Variants in KHDRBS2 observed in about 807,000 individuals in gnomAD.
KHDRBS2 encodes KH RNA binding domain containing, signal transduction associated 2.
Under a neutral mutation model 44.3 loss-of-function variants are expected in KHDRBS2, and 26 were observed. The ratio of observed to expected loss-of-function variants is 0.59; its 90% confidence interval spans 0.43 to 0.81. The LOEUF (loss-of-function observed/expected upper bound fraction) is 0.81. Ranked by LOEUF, KHDRBS2 falls within the 40% of genes least tolerant of loss-of-function variation. The probability of loss-of-function intolerance (pLI) is 0.00; values close to 1 mark genes in which losing one functional copy is unlikely to be tolerated. For missense variants in KHDRBS2, 476 were observed against 433.1 expected, an observed-to-expected ratio of 1.10 and a Z score of -0.88; for synonymous variants, 194 against 151.1, an observed-to-expected ratio of 1.28 and a Z score of -2.08.
Position 61,957,376 on chromosome 6 carries a change from G to C in KHDRBS2, c.483+20690C>G, listed in dbSNP as rs1767614220. The stretch of plus-strand genomic sequence containing the variant: ...AAACTCTTGACTGCCGGTGAGCCAG[G>C]TGGAACAGAGCCATATTTCTCTTCT... On this transcript the variant is annotated intron_variant, in intron 4 of 8. Coordinates refer to ENST00000281156, the MANE Select transcript of KHDRBS2 (RefSeq NM_152688.4). Among the ~76,000 whole-genome samples, 3 of 152,188 alleles carry C rather than the reference G, an allele frequency of 2.0e-5. No individual in the cohort carries two copies. In the South Asian group the frequency reaches 6.2e-4, roughly 31 times the overall value.
At chr6:61,892,470 C>A (rs1013105652) in intron 6 of KHDRBS2, among the ~76,000 whole-genome samples, 5 of 152,172 alleles carry the variant, frequency 3.3e-5, no homozygotes, top group Non-Finnish European at 7.4e-5. Context: ...AAGAACAAAG[C>A]TGGATGCATC....
chr6:62,120,086 T>C (rs1037751217), intron 2 of KHDRBS2, among the ~76,000 whole-genome samples: 2 of 152,142 alleles, frequency 1.3e-5, no homozygotes, highest in South Asian at 4.1e-4. Flanking sequence ...AATTTATTGA[T>C]TTGGGCCCAG....
chr6:61,673,753 C>T, the KHDRBS2 span, among the ~76,000 whole-genome samples: 1 of 140,374 alleles, frequency 7.1e-6, no homozygotes, highest in Non-Finnish European at 1.5e-5. Context: ...AACTACAAAC[C>T]ACTGCTCAAG....
intron 6 of KHDRBS2, among the ~76,000 whole-genome samples, chr6:61,776,777 C>G (rs1209529077): frequency 1.3e-5 from 2 of 152,166 alleles, no homozygotes; most frequent in East Asian, 1.9e-4. Context: ...ACCCAGTCAT[C>G]CCATTATTGG....
chr6:61,675,142 T>C (rs1211049012), downstream of KHDRBS2, among the ~76,000 whole-genome samples: 4 of 151,786 alleles, frequency 2.6e-5, no homozygotes, highest in Non-Finnish European at 5.9e-5. Context: ...TTATTTCTTC[T>C]AACTATATAT....
intron 6 of KHDRBS2, among the ~76,000 whole-genome samples, chr6:61,824,042 T>C (rs1048217772): frequency 3.9e-5 from 6 of 152,136 alleles, no homozygotes; most frequent in African/African-American, 1.4e-4. Flanking sequence ...TTTTTAATTT[T>C]AATAATACAA....
intron 3 of KHDRBS2, among the ~76,000 whole-genome samples, chr6:62,020,152 C>T (rs909253248): frequency 6.6e-6 from 1 of 151,716 alleles, no homozygotes; most frequent in Admixed American, 6.6e-5. Context: ...TGCCTATAGT[C>T]CTTTTCTTCT....
Position 61,966,280 on chromosome 6 carries a change from G to A in KHDRBS2, c.483+11786C>T, listed in dbSNP as rs540548132. The stretch of plus-strand genomic sequence containing the variant: ...GTACTTTTCTATTACAACTATCTTC[G>A]GGTAGTTTGAGGCAAAATGATCTGT... On this transcript the variant is annotated intron_variant, in intron 4 of 8. Transcript: ENST00000281156. 5.3e-5 allele frequency among the ~76,000 whole-genome samples: 8 copies of A among 152,052 alleles called. 1 individual carries two copies. Among genetic ancestry groups the A allele is most frequent in the South Asian group, 2.1e-4 (1 of 4,824 alleles).
chr6:61,899,655 C>T (rs757068903), intron 5 of KHDRBS2, among the ~76,000 whole-genome samples: 5 of 151,154 alleles, frequency 3.3e-5, no homozygotes, highest in African/African-American at 7.3e-5. Flanking sequence ...ATTCTACTAA[C>T]GGATATCCAT....
At chr6:62,010,664 T>G (rs1246722558) in intron 3 of KHDRBS2, among the ~76,000 whole-genome samples, 2 of 152,152 alleles carry the variant, frequency 1.3e-5, no homozygotes, top group African/African-American at 4.8e-5. Context: ...TAAATGGGTC[T>G]GATGGTTTTA....
At chr6:61,977,478 C>T (rs1772913868) in intron 4 of KHDRBS2, among the ~76,000 whole-genome samples, 1 of 152,076 alleles carries the variant, frequency 6.6e-6, no homozygotes. Context: ...TTCTCTGTTG[C>T]CCTCACATGG....
At chr6:62,065,022 A>C (rs1444932050) in intron 2 of KHDRBS2, among the ~76,000 whole-genome samples, 1 of 152,184 alleles carries the variant, frequency 6.6e-6, no homozygotes, top group East Asian at 1.9e-4. Context: ...CCAAAAAAAC[A>C]CATGAAAAAA....
In KHDRBS2 at chr6:62,151,090, T is replaced by C. The variant is rs563704214; in HGVS notation, c.219+26095A>G. Among the ~76,000 whole-genome samples, 11 of 152,260 alleles carry C rather than the reference T, an allele frequency of 7.2e-5. No individual in the cohort carries two copies. In the East Asian group the frequency reaches 1.7e-3, roughly 24 times the overall value. On this transcript the variant is annotated intron_variant, in intron 2 of 8. Transcript: ENST00000281156. ...GCAGGGTCAGGGGTGGGAGCATATA[T>C]GAACTCTGGACTCAGAACCGTCAAA...
chr6:61,906,174 A>G (rs1410086004), intron 4 of KHDRBS2, among the ~76,000 whole-genome samples: 1 of 152,142 alleles, frequency 6.6e-6, no homozygotes, highest in African/African-American at 2.4e-5. Flanking sequence ...GTCCAAATCT[A>G]GGGATAGCTG....
chr6:61,879,332 GC>G (rs1237851103), intron 6 of KHDRBS2, among the ~76,000 whole-genome samples: 1 of 151,834 alleles, frequency 6.6e-6, no homozygotes, highest in African/African-American at 2.4e-5. Context: ...ATTATATTCT[GC>G]CCTGTATCTG....
intron 6 of KHDRBS2, among the ~76,000 whole-genome samples, chr6:61,735,112 C>A (rs1275262641): frequency 1.3e-5 from 2 of 150,838 alleles, no homozygotes; most frequent in Admixed American, 6.6e-5. Context: ...CTTTACACTG[C>A]CCCCCTACTC....
intron 6 of KHDRBS2, among the ~76,000 whole-genome samples, chr6:61,811,032 G>A (rs1409123627): frequency 1.3e-5 from 2 of 151,998 alleles, no homozygotes; most frequent in African/African-American, 4.8e-5. Flanking sequence ...TGATACTGAG[G>A]CTTGGGCTTC....
intron 3 of KHDRBS2, among the ~76,000 whole-genome samples, chr6:62,007,569 T>TA (rs1028178750): frequency 6.6e-6 from 1 of 152,086 alleles, no homozygotes; most frequent in South Asian, 2.1e-4. Flanking sequence ...TATTGTGTCT[T>TA]AAAAAAGTAA....
chr6:61,627,232 G>A, the KHDRBS2 span, among the ~76,000 whole-genome samples: 3 of 121,296 alleles, frequency 2.5e-5, no homozygotes, highest in Non-Finnish European at 4.8e-5. Flanking sequence ...CAGCCTGGGC[G>A]ACAGAGCGAG....
Sources: allele counts gnomAD v4.1 joint callset (sites outside exome capture counted in the v4.1 genomes callset), GRCh38; gene constraint gnomAD v4.1.1; transcripts MANE v1.5; gene names NCBI Gene and HGNC (gene_info 2026-07-23, HGNC 2026-07-21).